KHDRBS2: variants seen among roughly 807,000 people sequenced by gnomAD.
KHDRBS2 encodes KH domain-containing, RNA-binding, signal transduction-associated protein 2.
In KHDRBS2, 26 loss-of-function variants were observed where a neutral mutation model predicts 44.3. The ratio of observed to expected loss-of-function variants is 0.59; its 90% CI spans 0.43 to 0.81. KHDRBS2 has a LOEUF of 0.81. KHDRBS2 is among the 40% of genes least tolerant of loss of function. The pLI is 0.00. For synonymous variants in KHDRBS2, 194 were observed against 151.1 expected (o/e 1.28, Z -2.08); for missense variants, 476 against 433.1 (o/e 1.10, Z -0.88).
At chr6:61,567,513 C>T in the KHDRBS2 span, among the ~76,000 whole-genome samples, 1 of 152,100 alleles carries the variant, frequency 6.6e-6, no homozygotes, top group Non-Finnish European at 1.5e-5. Context: ...TGGTGGTGTG[C>T]ACCTGTGGTC....
chr6:61,560,890 T>C, the KHDRBS2 span, among the ~76,000 whole-genome samples: 3 of 152,204 alleles, frequency 2.0e-5, no homozygotes, highest in Non-Finnish European at 4.4e-5. Context: ...CTTCAGTGTC[T>C]GGGTATTGAA....
intron 1 of KHDRBS2, 30 bp downstream of exon 1, chr6:62,285,828 T>C (rs770015897): frequency 6.5e-7 from 1 of 1,542,530 alleles, no homozygotes. Context: ...CAGCCGGCGG[T>C]TTGTGCCCAT....
intron 6 of KHDRBS2, among the ~76,000 whole-genome samples, chr6:61,849,471 A>G (rs1189339343): frequency 6.6e-6 from 1 of 152,118 alleles, no homozygotes; most frequent in Non-Finnish European, 1.5e-5. Flanking sequence ...TATTAAATAG[A>G]AAAAATAAAG....
intron 3 of KHDRBS2, among the ~76,000 whole-genome samples, chr6:61,979,618 A>G (rs930988245): frequency 2.0e-5 from 3 of 152,190 alleles, no homozygotes; most frequent in African/African-American, 7.2e-5. Context: ...TGATAATAGC[A>G]CCTTGCAGCC....
At chr6:62,228,088 G>GA (rs1367912335) in intron 1 of KHDRBS2, among the ~76,000 whole-genome samples, 24 of 152,104 alleles carry the variant, frequency 1.6e-4, no homozygotes, top group Admixed American at 1.3e-3. Context: ...AATAATTTCA[G>GA]AAAAAAATGG....
chr6:61,743,201 A>C (rs1278198242), intron 6 of KHDRBS2, among the ~76,000 whole-genome samples: 3 of 152,154 alleles, frequency 2.0e-5, no homozygotes, highest in Admixed American at 6.6e-5. Flanking sequence ...TATAACAAGC[A>C]TGCATTGGGA....
chr6:61,915,204 G>T (rs1244191986), intron 4 of KHDRBS2, among the ~76,000 whole-genome samples: 1 of 151,980 alleles, frequency 6.6e-6, no homozygotes, highest in Admixed American at 6.6e-5. Flanking sequence ...ATGAGGAACT[G>T]GGGTTGGAGG....
chr6:62,281,378 T>C (rs935031872), intron 1 of KHDRBS2, among the ~76,000 whole-genome samples: 1 of 152,090 alleles, frequency 6.6e-6, no homozygotes, highest in Non-Finnish European at 1.5e-5. Flanking sequence ...TCCTAGCACT[T>C]TGGGAGGATG....
chr6:61,927,442 G>C (rs186983322), intron 4 of KHDRBS2, among the ~76,000 whole-genome samples: 1 of 152,144 alleles, frequency 6.6e-6, no homozygotes, highest in East Asian at 1.9e-4. Flanking sequence ...CTCTCAACTA[G>C]GTACTGACAA....
rs1299336715 is a variant in KHDRBS2, at chr6:62,002,601, T to C, written c.337-24389A>G. Among the ~76,000 whole-genome samples the C allele has an allele frequency of 2.0e-5, 3 of 151,272 alleles. No individual in the cohort carries two copies. The East Asian group carries it at 5.9e-4, about 30-fold the overall frequency. ...AAAAATAAATTGTTTATCTGAAGAT[T>C]TCAATCGTAATGTAGAATAGAGCAA... On this transcript the variant is annotated intron_variant, in intron 3 of 8. Transcript: ENST00000281156.
intron 6 of KHDRBS2, among the ~76,000 whole-genome samples, chr6:61,798,577 A>C (rs1785756592): frequency 6.6e-6 from 1 of 152,086 alleles, no homozygotes; most frequent in African/African-American, 2.4e-5. Flanking sequence ...AGATGATTTT[A>C]ATGACATCAG....
chr6:61,548,022 TCTGA>T, the KHDRBS2 span, among the ~76,000 whole-genome samples: 3 of 152,086 alleles, frequency 2.0e-5, no homozygotes, highest in African/African-American at 4.8e-5. Context: ...ATGCACCAAC[TCTGA>T]CTGATCATTC....
intron 6 of KHDRBS2, among the ~76,000 whole-genome samples, chr6:61,878,032 G>C (rs1165380600): frequency 6.6e-6 from 1 of 151,888 alleles, no homozygotes; most frequent in Non-Finnish European, 1.5e-5. Context: ...TATGTAATGA[G>C]AAAAATTTTG....
chr6:61,871,224 T>C (rs142989905), intron 6 of KHDRBS2, among the ~76,000 whole-genome samples: 4 of 152,234 alleles, frequency 2.6e-5, no homozygotes, highest in Non-Finnish European at 4.4e-5. Context: ...CAAGTATCCA[T>C]AGCTGGATTG....
chr6:61,575,811 G>C, the KHDRBS2 span, among the ~76,000 whole-genome samples: 1 of 152,116 alleles, frequency 6.6e-6, no homozygotes, highest in South Asian at 2.1e-4. Context: ...CAGCAACCTG[G>C]ATGGAGTTGA....
At chr6:61,754,553 C>A (rs1289489073) in intron 6 of KHDRBS2, among the ~76,000 whole-genome samples, 1 of 143,606 alleles carries the variant, frequency 7.0e-6, no homozygotes, top group African/African-American at 2.7e-5. Context: ...AGGATATGAA[C>A]TATGTTTTAT....
chr6:62,144,396 G>A (rs1813492393), intron 2 of KHDRBS2, among the ~76,000 whole-genome samples: 1 of 151,830 alleles, frequency 6.6e-6, no homozygotes, highest in South Asian at 2.1e-4. Flanking sequence ...GAAATTAATA[G>A]GCAGTTTCCC....
chr6:61,925,043 T>C lies in KHDRBS2; in HGVS notation c.484-23672A>G, dbSNP rs192992735. On this transcript the variant is annotated intron_variant, in intron 4 of 8. Coordinates refer to ENST00000281156, the MANE Select transcript of KHDRBS2 (RefSeq NM_152688.4). ...AAGCCATTTAATTATTTCACATTAA[T>C]GACCATCTTTTTTATACTGTGGTGC... Among the ~76,000 whole-genome samples the C allele has an allele frequency of 3.2e-3, 487 of 152,324 alleles. 6 individuals are homozygous for C. The highest frequency in any genetic ancestry group is 0.028 in the Admixed American group (423 of 15,278).
intron 6 of KHDRBS2, among the ~76,000 whole-genome samples, chr6:61,866,179 C>A (rs892856379): frequency 6.6e-6 from 1 of 152,206 alleles, no homozygotes; most frequent in African/African-American, 2.4e-5. Context: ...TTCCACACTG[C>A]CTTAGCAGAG....
Sources: allele counts gnomAD v4.1 joint callset (sites outside exome capture counted in the v4.1 genomes callset), GRCh38; gene constraint gnomAD v4.1.1; transcripts MANE v1.5; gene names NCBI Gene and HGNC (gene_info 2026-07-23, HGNC 2026-07-21).